Variants in RMDN2 observed in about 807,000 individuals in gnomAD.
RMDN2 encodes regulator of microtubule dynamics protein 2.
RMDN2 carries 61 observed loss-of-function variants against 52.8 expected under a neutral mutation model. That is an observed-to-expected ratio of 1.16 (90% CI 0.94 to 1.43). RMDN2 has a LOEUF of 1.43. RMDN2 is among the 40% of genes most tolerant of loss of function. The pLI, the probability that RMDN2 is intolerant of heterozygous loss-of-function variation, is 0.00. For missense variants in RMDN2, 592 were observed against 475.3 expected (o/e 1.25, Z -2.28); for synonymous variants, 180 against 153.1 (o/e 1.18, Z -1.30).
At chr2:37,936,525 C>T (rs1558440876) in intron 2 of RMDN2, among the ~76,000 whole-genome samples, 2 of 152,186 alleles carry the variant, frequency 1.3e-5, no homozygotes, top group South Asian at 4.1e-4. Context: ...GTAAAGTGTT[C>T]CTGTTTCTCC....
intron 10 of RMDN2, among the ~76,000 whole-genome samples, chr2:38,043,640 CTATAT>C (rs1256168956): frequency 6.6e-6 from 1 of 151,960 alleles, no homozygotes; most frequent in East Asian, 1.9e-4. Context: ...TCGTCCTTTA[CTATAT>C]TATAATTCTT....
At chr2:38,045,426 T>C (rs1360360398) in intron 10 of RMDN2, among the ~76,000 whole-genome samples, 1 of 152,218 alleles carries the variant, frequency 6.6e-6, no homozygotes, top group Non-Finnish European at 1.5e-5. Flanking sequence ...TTATAAATTC[T>C]ATGCATATGT....
chr2:37,934,348 A>G (rs1667110294), intron 2 of RMDN2, among the ~76,000 whole-genome samples: 1 of 152,180 alleles, frequency 6.6e-6, no homozygotes, highest in Admixed American at 6.5e-5. Flanking sequence ...GGACCTATGC[A>G]CTTATGCCTT....
intron 2 of RMDN2, among the ~76,000 whole-genome samples, chr2:37,971,980 C>G (rs190771515): frequency 6.6e-6 from 1 of 152,110 alleles, no homozygotes; most frequent in Non-Finnish European, 1.5e-5. Context: ...AAACCATGAA[C>G]GTGATATATT....
At chr2:38,025,756 A>C (rs1289189236) in intron 10 of RMDN2, among the ~76,000 whole-genome samples, 1 of 152,078 alleles carries the variant, frequency 6.6e-6, no homozygotes, top group African/African-American at 2.4e-5. Flanking sequence ...ATGATGAATT[A>C]TATTTGAATT....
intron 2 of RMDN2, among the ~76,000 whole-genome samples, chr2:37,960,541 A>G (rs1309404996): frequency 6.6e-6 from 1 of 152,116 alleles, no homozygotes; most frequent in African/African-American, 2.4e-5. Flanking sequence ...GTGTCTTTGC[A>G]CATGATATGG....
At chr2:37,964,168 A>G (rs971035475) in intron 2 of RMDN2, among the ~76,000 whole-genome samples, 55 of 149,164 alleles carry the variant, frequency 3.7e-4, no homozygotes, top group Non-Finnish European at 6.2e-4. Flanking sequence ...GGGGCTCCTC[A>G]CTTCTCAGAC....
chr2:38,020,815 A>C (rs974755363), downstream of RMDN2, among the ~76,000 whole-genome samples: 1 of 149,926 alleles, frequency 6.7e-6, no homozygotes, highest in Non-Finnish European at 1.5e-5. Context: ...GCTCCTGTGC[A>C]AACGGAGCCT....
At chr2:38,008,207 A>G (rs1445268220) in intron 10 of RMDN2, among the ~76,000 whole-genome samples, 1 of 152,180 alleles carries the variant, frequency 6.6e-6, no homozygotes, top group Non-Finnish European at 1.5e-5. Context: ...AGAGTTCTGT[A>G]GATGTCTGTT....
chr2:38,062,616 T>A (rs1402997734), intron 10 of RMDN2, among the ~76,000 whole-genome samples: 3 of 152,174 alleles, frequency 2.0e-5, no homozygotes, highest in Non-Finnish European at 2.9e-5. Flanking sequence ...GCATTTTTTT[T>A]TAATTTTATT....
rs552464904 is a variant in RMDN2, at chr2:38,011,613, G to T, written c.1180-5573G>T. On this transcript the variant is annotated intron_variant, in intron 10 of 10. Coordinates refer to ENST00000354545, the MANE Select transcript of RMDN2 (RefSeq NM_001170791.3). ...TAGCCTAGAAGGGAATATATGATGTGTGTCCAAATAACTATAGCTCGAAGC... is the reference window on the plus strand; with the variant it reads ...TAGCCTAGAAGGGAATATATGATGTTTGTCCAAATAACTATAGCTCGAAGC... Among the ~76,000 whole-genome samples, 13 of 152,282 alleles carry T rather than the reference G, an allele frequency of 8.5e-5. No homozygotes were observed. In the East Asian group the frequency reaches 2.3e-3, roughly 27 times the overall value.
At chr2:37,978,776 T>TTAGATAGATAGATAGA in intron 4 of RMDN2, among the ~76,000 whole-genome samples, 1 of 63,858 alleles carries the variant, frequency 1.6e-5, no homozygotes, top group Non-Finnish European at 2.9e-5. Context: ...AGACCCTTTC[T>TTAGATAGATAGATAGA]CAGATAGATA....
chr2:38,011,030 T>G (rs763076864), intron 10 of RMDN2, among the ~76,000 whole-genome samples: 6 of 152,092 alleles, frequency 3.9e-5, no homozygotes, highest in Non-Finnish European at 5.9e-5. Flanking sequence ...CATAATTCCT[T>G]CAGTGGGAAG....
chr2:37,975,476 A>T (rs1220355142), intron 4 of RMDN2, among the ~76,000 whole-genome samples, 162 bp downstream of exon 4: 1 of 152,186 alleles, frequency 6.6e-6, no homozygotes, highest in African/African-American at 2.4e-5. Flanking sequence ...CAAACACTGC[A>T]TGTTCTCACT....
At chr2:37,971,004 T>A (rs1558490449) in intron 2 of RMDN2, among the ~76,000 whole-genome samples, 1 of 152,008 alleles carries the variant, frequency 6.6e-6, no homozygotes, top group Non-Finnish European at 1.5e-5. Context: ...ATTCTGTGGG[T>A]TTTTTCACTT....
At chr2:38,022,375 G>A (rs1383000793), downstream of RMDN2, among the ~76,000 whole-genome samples, 1 of 152,170 alleles carries the variant, frequency 6.6e-6, no homozygotes, top group African/African-American at 2.4e-5. Flanking sequence ...CACTCATGGT[G>A]CTTGACCTCA....
At chr2:38,056,123 T>C (rs1056485481) in intron 10 of RMDN2, among the ~76,000 whole-genome samples, 1 of 152,156 alleles carries the variant, frequency 6.6e-6, no homozygotes, top group Non-Finnish European at 1.5e-5. Context: ...ACTGAGCACA[T>C]AGGACGGGGC....
At position 38,067,044 on chromosome 2, in the gene RMDN2, C is replaced by T. The variant is rs1682313894; in HGVS notation, c.*54C>T. The T allele has an allele frequency of 6.9e-6, 11 of 1,583,634 alleles. No individual in the cohort carries two copies. The Admixed American group carries it at 1.8e-4, about 26-fold the overall frequency. ...CAAGCCCTGTCATCTGTGAGTGTGGCACAGTGAAGGCCTGGAGAGTCATGA... is the reference window on the plus strand; with the variant it reads ...CAAGCCCTGTCATCTGTGAGTGTGGTACAGTGAAGGCCTGGAGAGTCATGA... On this transcript the variant is annotated 3_prime_UTR_variant, in exon 11 of 11. Coordinates refer to the RMDN2 transcript ENST00000234195.
upstream of RMDN2, among the ~76,000 whole-genome samples, chr2:37,921,695 T>TG (rs1666035861): frequency 6.6e-6 from 1 of 152,168 alleles, no homozygotes; most frequent in South Asian, 2.1e-4. Context: ...AGGCAGGGTC[T>TG]GGGGGTCCAA....
Sources: allele counts gnomAD v4.1 joint callset (sites outside exome capture counted in the v4.1 genomes callset), GRCh38; gene constraint gnomAD v4.1.1; transcripts MANE v1.5; gene names NCBI Gene and HGNC (gene_info 2026-07-23, HGNC 2026-07-21).